The following NFIC variants were observed in gnomAD, a reference collection of about 807,000 sequenced individuals.
NFIC encodes the protein nuclear factor 1 C-type.
Under a neutral mutation model 54.4 loss-of-function variants are expected in NFIC, and 12 were observed. The observed-to-expected ratio is 0.22, with a 90% confidence interval of 0.14 to 0.36. The LOEUF (loss-of-function observed/expected upper bound fraction) is 0.36. Among genes scored for constraint, NFIC ranks in the 10% least tolerant of loss-of-function variants. The pLI, the probability that NFIC is intolerant of heterozygous loss-of-function variation, is 1.00. For synonymous variants in NFIC, 322 were observed against 319.2 expected (o/e 1.01, Z -0.09); for missense variants, 575 against 718.2 (o/e 0.80, Z 2.28).
Position 3,459,785 on chromosome 19 carries a change from T to C in NFIC, c.1510-2967T>C, listed in dbSNP as rs2082613919. On this transcript the variant is annotated intron_variant, in intron 10 of 10. Transcript: ENST00000443272. This position sits in a 1 kb window ranked among gnomAD's most constrained non-coding sequence, Gnocchi z 4.2. ...CATGAGGTAATGGCCAAGATGAACT[T>C]GAACTTGGCTGGAGGTGGGGCGCTG... 1.3e-5 allele frequency among the ~76,000 whole-genome samples: 2 copies of C among 152,218 alleles called. No individual in the cohort carries two copies. Among genetic ancestry groups the C allele is most frequent in the African/African-American group, 4.8e-5 (2 of 41,458 alleles).
chr19:3,410,238 T>C (rs1342529546), intron 2 of NFIC, among the ~76,000 whole-genome samples: 1 of 152,148 alleles, frequency 6.6e-6, no homozygotes. Flanking sequence ...GACGGGGTTT[T>C]ACCGTGTTAG....
At chr19:3,383,162 A>C (rs1568409955) in intron 2 of NFIC, among the ~76,000 whole-genome samples, 1 of 152,014 alleles carries the variant, frequency 6.6e-6, no homozygotes, top group Non-Finnish European at 1.5e-5. Context: ...GAGTCCTGGC[A>C]CCGCTTTCTG....
chr19:3,403,503 C>T (rs1452288473), intron 2 of NFIC, among the ~76,000 whole-genome samples: 1 of 152,196 alleles, frequency 6.6e-6, no homozygotes, highest in East Asian at 1.9e-4. Flanking sequence ...TCTACCTCTC[C>T]CTCCCCAAGC....
At chr19:3,374,544 C>T (rs574478023) in intron 1 of NFIC, among the ~76,000 whole-genome samples, 11 of 152,320 alleles carry the variant, frequency 7.2e-5, no homozygotes, top group African/African-American at 2.2e-4. Flanking sequence ...CAGTGGGTGC[C>T]TCAACTCTGG....
chr19:3,393,098 A>T (rs527395817), intron 2 of NFIC, among the ~76,000 whole-genome samples: 1 of 151,788 alleles, frequency 6.6e-6, no homozygotes, highest in Non-Finnish European at 1.5e-5. Flanking sequence ...CCGCCACCAC[A>T]CCCAGCTAAT....
At chr19:3,456,849 GC>G in intron 10 of NFIC, 1 of 593,600 alleles carries the variant, frequency 1.7e-6, no homozygotes, top group Non-Finnish European at 3.0e-6. Flanking sequence ...ATGGGGTGTG[GC>G]CCCAGACTCA....
At chr19:3,446,303 C>T (rs2082373695) in intron 6 of NFIC, among the ~76,000 whole-genome samples, 2 of 152,146 alleles carry the variant, frequency 1.3e-5, no homozygotes, top group South Asian at 2.1e-4. Context: ...CATGGGATCC[C>T]CTAACCCAGA....
intron 1 of NFIC, among the ~76,000 whole-genome samples, chr19:3,366,966 C>A (rs976562856): frequency 3.4e-5 from 5 of 149,148 alleles, no homozygotes; most frequent in Non-Finnish European, 6.0e-5. Context: ...GCGTCCCCCC[C>A]CCACACACCG....
At chr19:3,451,120 T>G (rs1417172943) in intron 7 of NFIC, among the ~76,000 whole-genome samples, 1 of 152,088 alleles carries the variant, frequency 6.6e-6, no homozygotes, top group Admixed American at 6.6e-5. Flanking sequence ...CAATAGAATA[T>G]GACTCAGCCA....
At chr19:3,382,525 AGAG>A (rs948008954) in intron 2 of NFIC, among the ~76,000 whole-genome samples, 25 of 145,020 alleles carry the variant, frequency 1.7e-4, no homozygotes, top group Admixed American at 2.7e-4. Flanking sequence ...AGAGTCTGAG[AGAG>A]GAGGCCAGTG....
rs1405286131 is a variant in NFIC at position 3,437,675 on chromosome 19, TTTTTTTG to T, written c.958+2489_958+2495del. 4.6e-4 allele frequency among the ~76,000 whole-genome samples: 70 copies of T among 151,348 alleles called. No individual in the cohort carries two copies. The East Asian group carries it at 6.0e-3, about 13-fold the overall frequency. On this transcript the variant is annotated intron_variant, in intron 6 of 10. Transcript: ENST00000443272. ...AAAAAAAAAGTCACTTCTGTTTCGT[TTTTTTTG>T]TTTTTTGTTTTTTGTTTTTTTTTTG... is the stretch of plus-strand genomic sequence containing the variant.
rs3035620 is a variant in NFIC, at chr19:3,375,126, C to CAG, written c.31-6577_31-6576dup. Among the ~76,000 whole-genome samples, 11,142 of 126,028 alleles carry CAG rather than the reference C, an allele frequency of 0.088. 977 individuals are homozygous for CAG. Among genetic ancestry groups the CAG allele is most frequent in the African/African-American group, 0.24 (8,176 of 33,400 alleles). 82.7% of individuals were successfully genotyped at this position (126,028 alleles called of 152,430 possible). On this transcript the variant is annotated intron_variant, in intron 1 of 10. Coordinates refer to ENST00000443272, the MANE Select transcript of NFIC (RefSeq NM_001245002.2). The surrounding 1 kb of genome is among the most constrained non-coding windows in gnomAD (Gnocchi z 4.6). Reference sequence around the variant, plus strand: ...AGAGGGGAAGTGGGGAGGGGGAATTCAGAGAGAGAGGGGGGTTGGGGAGAG... The same window carrying CAG: ...AGAGGGGAAGTGGGGAGGGGGAATTCAGAGAGAGAGAGGGGGGTTGGGGAGAG...
chr19:3,463,043 A>G lies in NFIC; in HGVS notation c.*274A>G, dbSNP rs2082664367. ...AACGTTTCCAACTCTCGGGACGCCAAGGCCGCAGGACTGGAGGGCCAGGCC... is the reference window on the plus strand; with the variant it reads ...AACGTTTCCAACTCTCGGGACGCCAGGGCCGCAGGACTGGAGGGCCAGGCC... On this transcript the variant is annotated 3_prime_UTR_variant, in exon 11 of 11. Coordinates refer to ENST00000443272, the MANE Select transcript of NFIC (RefSeq NM_001245002.2). 7.4e-7 allele frequency: 1 copy of G among 1,347,010 alleles called. No homozygotes were observed. The allele number at this position is 1,347,010 out of a possible 1,614,324, so 83.4% of individuals were successfully genotyped here. A position where few individuals can be genotyped will look rare whatever the true frequency, so the allele number is the denominator to read the frequency against.
chr19:3,432,405 T>C (rs531336362), intron 3 of NFIC, among the ~76,000 whole-genome samples: 24 of 152,052 alleles, frequency 1.6e-4, no homozygotes, highest in African/African-American at 5.5e-4. Context: ...CAGACAGACA[T>C]CCCTGCCCAC....
chr19:3,388,340 A>C (rs557472086), intron 2 of NFIC, among the ~76,000 whole-genome samples: 1 of 152,082 alleles, frequency 6.6e-6, no homozygotes, highest in African/African-American at 2.4e-5. Flanking sequence ...TCTGTGTGCC[A>C]GGCTCCGAGG....
At chr19:3,431,063 C>T (rs1013754895) in intron 3 of NFIC, among the ~76,000 whole-genome samples, 4 of 151,892 alleles carry the variant, frequency 2.6e-5, no homozygotes, top group Admixed American at 1.3e-4. Flanking sequence ...GTCAGAGCCT[C>T]GTTCTTTTAT....
intron 2 of NFIC, among the ~76,000 whole-genome samples, chr19:3,388,949 G>C (rs1000120621): frequency 6.6e-6 from 1 of 152,160 alleles, no homozygotes; most frequent in Non-Finnish European, 1.5e-5. Flanking sequence ...AGGTTGCAGC[G>C]AGCTGAGCTC....
intron 7 of NFIC, among the ~76,000 whole-genome samples, chr19:3,450,853 C>T (rs747237932): frequency 6.6e-6 from 1 of 152,168 alleles, no homozygotes; most frequent in Non-Finnish European, 1.5e-5. Context: ...GGTCAGCAAA[C>T]GCTGGCCCCC....
rs186101724 is a variant in NFIC, at chr19:3,452,725, G to T, written c.1269+59G>T. Reference sequence around the variant, plus strand: ...GGCGGCTCCAGGTGACCTCCCGGGGGCCACGTGCTCACACGAAGGCACAAC... The same window carrying T: ...GGCGGCTCCAGGTGACCTCCCGGGGTCCACGTGCTCACACGAAGGCACAAC... On this transcript the variant is annotated intron_variant, in intron 8 of 10. Coordinates refer to ENST00000443272, the MANE Select transcript of NFIC (RefSeq NM_001245002.2). The surrounding 1 kb of genome is among the most constrained non-coding windows in gnomAD (Gnocchi z 5.3). 2,010 of 1,526,888 alleles carry T rather than the reference G, an allele frequency of 1.3e-3. 25 individuals are homozygous for T. In the African/African-American group the frequency reaches 0.025, roughly 19 times the overall value. The allele number at this position is 1,526,888 out of a possible 1,614,324, so 94.6% of individuals were successfully genotyped here.
Sources: allele counts gnomAD v4.1 joint callset (sites outside exome capture counted in the v4.1 genomes callset), GRCh38; gene constraint gnomAD v4.1.1; non-coding constraint Gnocchi (gnomAD v3.1); transcripts MANE v1.5; gene names NCBI Gene and HGNC (gene_info 2026-07-23, HGNC 2026-07-21).